Variants in EPN1 observed in about 807,000 individuals in gnomAD.
EPN1 encodes epsin 1, also known as epsin-1.
EPN1 carries 25 observed loss-of-function variants against 56.9 expected under a neutral mutation model. The observed-to-expected ratio is 0.44, with a 90% CI of 0.32 to 0.61. The LOEUF (loss-of-function observed/expected upper bound fraction) is 0.61, where lower values mean the gene tolerates loss of function less well. Ranked by LOEUF, EPN1 falls within the 20% of genes least tolerant of loss-of-function variation. EPN1 has a pLI of 0.05. For synonymous variants in EPN1, 411 were observed against 361.8 expected, an observed-to-expected ratio of 1.14 and a Z score of -1.54; for missense variants, 785 against 823.7, an observed-to-expected ratio of 0.95 and a Z score of 0.58.
chr19:55,678,782 C>T lies in EPN1; in HGVS notation c.155C>T (p.Ala52Val). 1 of 1,614,186 alleles carries T rather than the reference C, an allele frequency of 6.2e-7. No individual in the cohort carries two copies. The highest frequency in any genetic ancestry group is 8.5e-7 in the Non-Finnish European group (1 of 1,180,034). Reference sequence around the variant, plus strand: ...GCCGACCTCACCTACAACGTTGTCGCCTTCTCGGAGATCATGAGCATGATC... The same window carrying T: ...GCCGACCTCACCTACAACGTTGTCGTCTTCTCGGAGATCATGAGCATGATC... ...EIADLTYNVV[A>V]FSEIMSMIWK... is the part of the protein sequence containing the mutation. Residue 52 changes from alanine to valine, a missense_variant, in exon 2 of 11, where the codon GCC becomes GTC. Physicochemically the swap from Ala to Val is moderately conservative, Grantham distance 64. Around this residue, in one of 2 missense-constraint regions of EPN1, gnomAD observed 135 missense variants for 218.7 expected, o/e 0.62. Transcript: ENST00000270460.
Position 55,695,597 on chromosome 19 carries a change from G to T in EPN1, c.*241G>T, listed in dbSNP as rs1986872123. ...CCCCTTTCCCGTGGCATTAGAAGGG[G>T]GAGGGGTGGCTGGGGCCCCCACCCA... On this transcript the variant is annotated 3_prime_UTR_variant, in exon 11 of 11. Coordinates refer to ENST00000270460, the MANE Select transcript of EPN1 (RefSeq NM_001130072.2). The surrounding 1 kb of genome is among the most constrained non-coding windows in gnomAD (Gnocchi z 4.4). The T allele has an allele frequency of 1.6e-5, 8 of 510,582 alleles. No individual in the cohort carries two copies. The highest frequency in any genetic ancestry group is 2.1e-5 in the Non-Finnish European group (6 of 288,814). The allele number at this position is 510,582 out of a possible 1,614,324, so 31.6% of individuals were successfully genotyped here. A position where few individuals can be genotyped will look rare whatever the true frequency, so the allele number is the denominator to read the frequency against.
Position 55,692,944 on chromosome 19 carries a change from C to G in EPN1, c.1178-7C>G, listed in dbSNP as rs764722825. 6.2e-7 allele frequency: 1 copy of G among 1,613,326 alleles called. No homozygotes were observed. The highest frequency in any genetic ancestry group is 8.5e-7 in the Non-Finnish European group (1 of 1,179,688). Reference sequence around the variant, plus strand: ...GAGGGGCTGAGCAGAACATCCTGACCCCACAGCAGCCGGGGGATTCGACAC... The same window carrying G: ...GAGGGGCTGAGCAGAACATCCTGACGCCACAGCAGCCGGGGGATTCGACAC... On this transcript the variant is annotated splice_region_variant and splice_polypyrimidine_tract_variant and intron_variant, in intron 8 of 10. Transcript: ENST00000270460.
intron 2 of EPN1, 121 bp downstream of exon 2, chr19:55,678,976 A>G (rs926931249): frequency 8.9e-6 from 6 of 673,112 alleles, no homozygotes; most frequent in African/African-American, 1.8e-5. Context: ...GAGAAGAGTA[A>G]AATCTCTCTT....
In EPN1 at chr19:55,678,651, C is replaced by T. The variant is rs1309590966; in HGVS notation, c.24C>T (p.Arg8=). MSTSSLR[R]QMKNIVHNYS... ...CCATGTCGACCTCGTCCTTGAGGCG[C>T]CAGATGAAGAACATCGTCCACAACT... Residue 8 remains arginine, a synonymous_variant, in exon 2 of 11, where the codon CGC becomes CGT. Coordinates refer to ENST00000270460, the MANE Select transcript of EPN1 (RefSeq NM_001130072.2). The T allele has an allele frequency of 2.5e-6, 4 of 1,613,120 alleles. No individual in the cohort carries two copies. Among genetic ancestry groups the T allele is most frequent in the Non-Finnish European group, 3.4e-6 (4 of 1,179,616 alleles).
In EPN1 at chr19:55,709,168, G is replaced by C. The variant is rs565726914; in HGVS notation, c.*13812G>C. ...TTTCCTAGAAATCACTGGGAGAATT[G>C]TACTGAATTTGAAAAACAAGCATGA... On this transcript the variant is annotated 3_prime_UTR_variant, in exon 11 of 11. Coordinates refer to ENST00000270460, the MANE Select transcript of EPN1 (RefSeq NM_001130072.2). 7 of 631,376 alleles carry C rather than the reference G, an allele frequency of 1.1e-5. No individual in the cohort carries two copies. In the South Asian group the frequency reaches 1.2e-4, roughly 11 times the overall value. 39.1% of individuals were successfully genotyped at this position (631,376 alleles called of 1,614,324 possible). A position where few individuals can be genotyped will look rare whatever the true frequency, so the allele number is the denominator to read the frequency against.
At chr19:55,684,022 C>T (rs983587230) in intron 2 of EPN1, among the ~76,000 whole-genome samples, 7 of 152,178 alleles carry the variant, frequency 4.6e-5, no homozygotes, top group Non-Finnish European at 1.0e-4. Flanking sequence ...CCTGGGACTG[C>T]CTCTTGGCTT....
At position 55,704,630 on chromosome 19, in the gene EPN1, C is replaced by G. The variant is rs1174729843; in HGVS notation, c.*9274C>G. Reference sequence around the variant, plus strand: ...CAGCCCTAACATGAATGCAGCCATCCACACTGTCTGGGGGAAGGCACACAC... The same window carrying G: ...CAGCCCTAACATGAATGCAGCCATCGACACTGTCTGGGGGAAGGCACACAC... On this transcript the variant is annotated 3_prime_UTR_variant, in exon 11 of 11. Transcript: ENST00000270460. 6.6e-6 allele frequency: 1 copy of G among 152,234 alleles called. No individual in the cohort carries two copies. The highest frequency in any genetic ancestry group is 2.4e-5 in the African/African-American group (1 of 41,430). The allele number at this position is 152,234 out of a possible 1,614,324, so 9.4% of individuals were successfully genotyped here. A position where few individuals can be genotyped will look rare whatever the true frequency, so the allele number is the denominator to read the frequency against.
chr19:55,677,730 C>G, intron 1 of EPN1: 5 of 1,543,928 alleles, frequency 3.2e-6, no homozygotes, highest in Non-Finnish European at 4.4e-6. Context: ...TTCCTGCCGC[C>G]CTGGGTTGGT....
At chr19:55,676,004 C>T (rs977533921) in intron 1 of EPN1, among the ~76,000 whole-genome samples, 1 of 152,142 alleles carries the variant, frequency 6.6e-6, no homozygotes, top group African/African-American at 2.4e-5. Context: ...GTGAAGAGCC[C>T]CAGCCTTGGA....
Position 55,696,128 on chromosome 19 carries a change from A to T in EPN1, c.*772A>T, listed in dbSNP as rs1986898319. 6.6e-6 allele frequency: 1 copy of T among 152,214 alleles called. No homozygotes were observed. The highest frequency in any genetic ancestry group is 1.5e-5 in the Non-Finnish European group (1 of 68,162). The allele number at this position is 152,214 out of a possible 1,614,324, so 9.4% of individuals were successfully genotyped here. On this transcript the variant is annotated 3_prime_UTR_variant, in exon 11 of 11. Coordinates refer to ENST00000270460, the MANE Select transcript of EPN1 (RefSeq NM_001130072.2). ...AGATGGCACATGTGCAACACAGGTC[A>T]CCGTCGCCATCGCCCGGGCCCACCG...
chr19:55,687,486 C>T (rs1401276343), intron 3 of EPN1, among the ~76,000 whole-genome samples: 1 of 152,084 alleles, frequency 6.6e-6, no homozygotes, highest in African/African-American at 2.4e-5. Context: ...ATTTAGCCAC[C>T]ACCAGGCTGG....
At chr19:55,690,019 G>T (rs977628158) in intron 6 of EPN1, 69 bp downstream of exon 6, 6 of 1,407,638 alleles carry the variant, frequency 4.3e-6, no homozygotes, top group African/African-American at 4.3e-5. Flanking sequence ...TCATTCCTGC[G>T]TGGCCAGGTC....
rs1987302656 is a variant in EPN1, at chr19:55,704,566, C to T, written c.*9210C>T. 6.6e-6 allele frequency: 1 copy of T among 152,190 alleles called. No homozygotes were observed. The highest frequency in any genetic ancestry group is 2.1e-4 in the South Asian group (1 of 4,828). The allele number at this position is 152,190 out of a possible 1,614,324, so 9.4% of individuals were successfully genotyped here. A position where few individuals can be genotyped will look rare whatever the true frequency, so the allele number is the denominator to read the frequency against. On this transcript the variant is annotated 3_prime_UTR_variant, in exon 11 of 11. Coordinates refer to ENST00000270460, the MANE Select transcript of EPN1 (RefSeq NM_001130072.2). ...CCAGAACTGTGAGAAAATCCATTGACGTTCTATAGCGCTCCCAGCTGGCGG... is the reference window on the plus strand; with the variant it reads ...CCAGAACTGTGAGAAAATCCATTGATGTTCTATAGCGCTCCCAGCTGGCGG...
chr19:55,690,707 C>T (rs1986487752), intron 6 of EPN1, among the ~76,000 whole-genome samples: 1 of 152,204 alleles, frequency 6.6e-6, no homozygotes, highest in South Asian at 2.1e-4. Context: ...TCAGCCTGTG[C>T]ACTGCTATTG....
Position 55,695,282 on chromosome 19 carries a change from G to A in EPN1, c.1657G>A (p.Gly553Ser). The change falls in exon 11 of 11, where the codon GGC becomes AGC. Residue 553 changes from glycine to serine, a missense_variant. Gly to Ser is a moderately conservative substitution (Grantham distance 56). Coordinates refer to ENST00000270460, the MANE Select transcript of EPN1 (RefSeq NM_001130072.2). This position sits in a 1 kb window ranked among gnomAD's most constrained non-coding sequence, Gnocchi z 4.4. ...GCCACCCACGTACATCTCTCCCCTT[G>A]GCGGGGGCCCTGGCCTGCCCCCCAT... ...GAPPTYISPL[G>S]GGPGLPPMMP... is the part of the protein sequence containing the mutation. 1.3e-6 allele frequency: 2 copies of A among 1,594,838 alleles called. No homozygotes were observed. The highest frequency in any genetic ancestry group is 1.7e-6 in the Non-Finnish European group (2 of 1,172,910).
rs1555792542 is a variant in EPN1 at position 55,699,627 on chromosome 19, CAG to C, written c.*4275_*4276del. The C allele has an allele frequency of 6.6e-6, 1 of 152,184 alleles. No homozygotes were observed. The highest frequency in any genetic ancestry group is 1.5e-5 in the Non-Finnish European group (1 of 68,046). 9.4% of individuals were successfully genotyped at this position (152,184 alleles called of 1,614,324 possible). A position where few individuals can be genotyped will look rare whatever the true frequency, so the allele number is the denominator to read the frequency against. ...GTGGCAATGGTGACATTGAGTGTGG[CAG>C]AGACCGAGTGTCCCTTGAGCCTAAA... On this transcript the variant is annotated 3_prime_UTR_variant, in exon 11 of 11. Coordinates refer to ENST00000270460, the MANE Select transcript of EPN1 (RefSeq NM_001130072.2).
Position 55,706,177 on chromosome 19 carries a change from TTCC to T in EPN1, c.*10826_*10828del, listed in dbSNP as rs139651696. 193 of 167,786 alleles carry T rather than the reference TTCC, an allele frequency of 1.2e-3. No homozygotes were observed. The highest frequency in any genetic ancestry group is 4.4e-3 in the African/African-American group (183 of 41,384). The allele number at this position is 167,786 out of a possible 1,614,324, so 10.4% of individuals were successfully genotyped here. A position where few individuals can be genotyped will look rare whatever the true frequency, so the allele number is the denominator to read the frequency against. ...CTCCTCCTCTCTTTTCTTCTTCCTCTTCCTCCTTTTTCTCCTCCTTTCTTCCTT... is the reference window on the plus strand; with the variant it reads ...CTCCTCCTCTCTTTTCTTCTTCCTCTTCCTTTTTCTCCTCCTTTCTTCCTT... On this transcript the variant is annotated 3_prime_UTR_variant, in exon 11 of 11. Coordinates refer to ENST00000270460, the MANE Select transcript of EPN1 (RefSeq NM_001130072.2).
In EPN1 at chr19:55,689,742, A is replaced by G. The variant is rs1406964749; in HGVS notation, c.679-125A>G. 9.3e-6 allele frequency: 8 copies of G among 862,034 alleles called. No individual in the cohort carries two copies. The highest frequency in any genetic ancestry group is 1.3e-5 in the Non-Finnish European group (7 of 531,052). The allele number at this position is 862,034 out of a possible 1,614,324, so 53.4% of individuals were successfully genotyped here. A position where few individuals can be genotyped will look rare whatever the true frequency, so the allele number is the denominator to read the frequency against. ...CATCCCCATTTCATACATTGTCCGC[A>G]TCCCATCGAATCCTTCAGCCGCTTT... On this transcript the variant is annotated intron_variant, in intron 5 of 10. Transcript: ENST00000270460. This position sits in a 1 kb window ranked among gnomAD's most constrained non-coding sequence, Gnocchi z 5.7.
rs35562577 is a variant in EPN1, at chr19:55,705,895, T to G, written c.*10539T>G. ...TCTTGCTCTATCACTAAAGCTGCAT[T>G]GCAGTGTGTGATCATAGCTCACCAT... On this transcript the variant is annotated 3_prime_UTR_variant, in exon 11 of 11. Coordinates refer to ENST00000270460, the MANE Select transcript of EPN1 (RefSeq NM_001130072.2). 0.22 allele frequency: 32,358 copies of G among 150,494 alleles called. 3,883 individuals are homozygous for G. The highest frequency in any genetic ancestry group is 0.32 in the African/African-American group (13,195 of 40,648). The allele number at this position is 150,494 out of a possible 1,614,324, so 9.3% of individuals were successfully genotyped here. A position where few individuals can be genotyped will look rare whatever the true frequency, so the allele number is the denominator to read the frequency against.
Sources: gnomAD v4.1 joint callset for allele counts (sites outside exome capture counted in the v4.1 genomes callset) on GRCh38, gnomAD v4.1.1 for gene constraint, gnomAD v4.1.1 regional missense constraint, Gnocchi (gnomAD v3.1) non-coding constraint, MANE v1.5 for transcripts, NCBI Gene and HGNC (gene_info 2026-07-23, HGNC 2026-07-21) for gene names.